Variants in NR2C2 observed in about 807,000 individuals in gnomAD.
NR2C2 encodes the protein Nuclear hormone receptor TR4.
A neutral mutation model predicts 62.9 loss-of-function variants in NR2C2; 6 were observed. The ratio of observed to expected loss-of-function variants is 0.10; its 90% CI spans 0.05 to 0.19. The LOEUF is 0.19. Among genes scored for constraint, NR2C2 ranks in the 10% least tolerant of loss-of-function variants. The pLI is 1.00. For synonymous variants in NR2C2, 272 were observed against 273.8 expected (o/e 0.99, Z 0.07); for missense variants, 479 against 762.7 (o/e 0.63, Z 4.38).
intron 1 of NR2C2, among the ~76,000 whole-genome samples, chr3:14,960,172 G>T (rs545984689): frequency 9.2e-5 from 14 of 152,154 alleles, no homozygotes; most frequent in Non-Finnish European, 1.6e-4. Flanking sequence ...AACTGTAAAA[G>T]AAAATAGGGA....
intron 1 of NR2C2, among the ~76,000 whole-genome samples, chr3:14,956,739 C>T (rs1463771411): frequency 6.6e-6 from 1 of 152,182 alleles, no homozygotes; most frequent in Non-Finnish European, 1.5e-5. Flanking sequence ...TAGGGTTTCT[C>T]CATGTTGGTC....
At chr3:14,999,808 T>C in intron 1 of NR2C2, among the ~76,000 whole-genome samples, 1 of 152,198 alleles carries the variant, frequency 6.6e-6, no homozygotes, top group East Asian at 1.9e-4. Flanking sequence ...AATTTGAACA[T>C]ATAGGTGAGG....
At position 14,965,030 on chromosome 3, in the gene NR2C2, A is replaced by G. The variant is rs556842368; in HGVS notation, c.-40+17124A>G. Among the ~76,000 whole-genome samples the G allele has an allele frequency of 3.9e-5, 6 of 152,198 alleles. No individual in the cohort carries two copies. In the East Asian group the frequency reaches 1.2e-3, roughly 29 times the overall value. ...ATTTAGACACACCAAGTCACCTCGCATGCACATCGTTGGCATGTGGTGGGG... is the reference window on the plus strand; with the variant it reads ...ATTTAGACACACCAAGTCACCTCGCGTGCACATCGTTGGCATGTGGTGGGG... On this transcript the variant is annotated intron_variant, in intron 1 of 13. Coordinates refer to ENST00000425241, the MANE Select transcript of NR2C2 (RefSeq NM_001291694.2).
chr3:15,035,690 G>A (rs537313795), intron 11 of NR2C2, among the ~76,000 whole-genome samples: 2 of 152,168 alleles, frequency 1.3e-5, no homozygotes, highest in Non-Finnish European at 2.9e-5. Context: ...GGTCAGGACA[G>A]TCCAGCTTGG....
intron 8 of NR2C2, among the ~76,000 whole-genome samples, 178 bp downstream of exon 8, chr3:15,028,897 C>T (rs1351942369): frequency 1.3e-5 from 2 of 152,094 alleles, no homozygotes; most frequent in Admixed American, 1.3e-4. Context: ...ATAGACCCAC[C>T]TATGTTATAC....
At position 15,028,693 on chromosome 3, in the gene NR2C2, G is replaced by C. The variant is rs981139541; in HGVS notation, c.906G>C (p.Glu302Asp). 2 of 1,614,086 alleles carry C rather than the reference G, an allele frequency of 1.2e-6. No homozygotes were observed. The highest frequency in any genetic ancestry group is 1.7e-6 in the Non-Finnish European group (2 of 1,179,970). Residue 302 changes from glutamate (E) to aspartate (D), a missense_variant, in exon 8 of 14, where the codon GAG becomes GAC. Coordinates refer to ENST00000425241, the MANE Select transcript of NR2C2 (RefSeq NM_001291694.2). ...NNGDTSEIQP[E>D]DQSASEITRA... ...GTGACACTTCAGAAATCCAGCCAGA[G>C]GACCAGTCTGCAAGTGAGATAACTC...
intron 1 of NR2C2, among the ~76,000 whole-genome samples, chr3:15,002,619 GT>G (rs2041043388): frequency 1.1e-5 from 1 of 87,472 alleles, no homozygotes; most frequent in Admixed American, 1.1e-4. Flanking sequence ...TTTAGGAAGA[GT>G]TTTTTGTGAA....
At chr3:15,002,065 GTTT>G (rs1223322503) in intron 1 of NR2C2, among the ~76,000 whole-genome samples, 1 of 152,142 alleles carries the variant, frequency 6.6e-6, no homozygotes, top group Non-Finnish European at 1.5e-5. Flanking sequence ...TATTCTGAAT[GTTT>G]TTATTCTTTT....
At chr3:15,038,550 C>T (rs1411603887) in intron 12 of NR2C2, 2 of 167,690 alleles carry the variant, frequency 1.2e-5, no homozygotes, top group African/African-American at 4.8e-5. Flanking sequence ...TATAGCACTG[C>T]AGAGCATGCT....
At chr3:15,001,483 G>A (rs1372955601) in intron 1 of NR2C2, among the ~76,000 whole-genome samples, 5 of 151,710 alleles carry the variant, frequency 3.3e-5, no homozygotes, top group African/African-American at 4.8e-5. Context: ...TACAGGCCCC[G>A]CCATCATACC....
In NR2C2 at chr3:15,028,609, G is replaced by T; in HGVS notation, c.822G>T (p.Leu274=). 6.2e-7 allele frequency: 1 copy of T among 1,613,770 alleles called. No homozygotes were observed. The highest frequency in any genetic ancestry group is 8.5e-7 in the Non-Finnish European group (1 of 1,179,754). Residue 274 remains leucine (L), a synonymous_variant, in exon 8 of 14, where the codon CTG becomes CTT. Coordinates refer to ENST00000425241, the MANE Select transcript of NR2C2 (RefSeq NM_001291694.2). The part of the protein sequence containing the change: ...DSKAETSQGA[L]GTLANVVTSL... Reference sequence around the variant, plus strand: ...AGGCTGAAACAAGCCAGGGAGCTCTGGGCACACTGGCAAATGTAGTGACCT... The same window carrying T: ...AGGCTGAAACAAGCCAGGGAGCTCTTGGCACACTGGCAAATGTAGTGACCT...
At chr3:15,013,326 T>C (rs1446877796) in intron 2 of NR2C2, among the ~76,000 whole-genome samples, 1 of 152,230 alleles carries the variant, frequency 6.6e-6, no homozygotes, top group Non-Finnish European at 1.5e-5. Flanking sequence ...ATTGCCTTCA[T>C]TTCATAAAAG....
chr3:15,031,768 ACCCATACTG>A (rs1353264932), intron 9 of NR2C2, among the ~76,000 whole-genome samples: 54 of 147,760 alleles, frequency 3.7e-4, no homozygotes, highest in Non-Finnish European at 6.6e-4. Flanking sequence ...TCTCACTGTC[ACCCATACTG>A]GAGTGCAGTG....
At chr3:15,031,079 G>C (rs529490850) in intron 9 of NR2C2, among the ~76,000 whole-genome samples, 24 of 152,252 alleles carry the variant, frequency 1.6e-4, no homozygotes, top group African/African-American at 5.1e-4. Flanking sequence ...CTGCCTCTCT[G>C]TGACTGCCTG....
chr3:14,985,534 T>C (rs1311789044), intron 1 of NR2C2, among the ~76,000 whole-genome samples: 1 of 152,144 alleles, frequency 6.6e-6, no homozygotes, highest in Non-Finnish European at 1.5e-5. Flanking sequence ...TCTTCCAGAA[T>C]TTTTGTTAAG....
rs1245958757 is a variant in NR2C2 at position 15,006,799 on chromosome 3, G to T, written c.72+2813G>T. ...ATCTTTTTTTTTTTTTTTTTTAAAG[G>T]CATTTCGCTCTTGTCGCCCAGGCTG... On this transcript the variant is annotated intron_variant, in intron 2 of 13. Coordinates refer to ENST00000425241, the MANE Select transcript of NR2C2 (RefSeq NM_001291694.2). Among the ~76,000 whole-genome samples, 4 of 149,008 alleles carry T rather than the reference G, an allele frequency of 2.7e-5. No homozygotes were observed. In the East Asian group the frequency reaches 7.7e-4, roughly 29 times the overall value.
At chr3:15,038,198 C>A in intron 12 of NR2C2, 61 bp downstream of exon 12, 1 of 1,500,768 alleles carries the variant, frequency 6.7e-7, no homozygotes, top group Non-Finnish European at 9.0e-7. Flanking sequence ...TGTTTCTGAA[C>A]GTGAACATGT....
In NR2C2 at chr3:15,049,058, AAAATAGCATGTTCTTTTT is replaced by A. The variant is rs1559324215; in HGVS notation, c.*6054_*6071del. ...ACTTTGTTTATGTGATGGCATTTAA[AAAATAGCATGTTCTTTTT>A]AAACTGAATTTTATATCTAATCAAT... On this transcript the variant is annotated 3_prime_UTR_variant, in exon 14 of 14. Transcript: ENST00000425241. The A allele has an allele frequency of 6.6e-6, 1 of 152,666 alleles. No homozygotes were observed. Among genetic ancestry groups the A allele is most frequent in the African/African-American group, 2.4e-5 (1 of 41,454 alleles). 9.5% of individuals were successfully genotyped at this position (152,666 alleles called of 1,614,324 possible).
intron 1 of NR2C2, among the ~76,000 whole-genome samples, chr3:14,972,233 G>A (rs2040066197): frequency 7.0e-6 from 1 of 143,552 alleles, no homozygotes; most frequent in Non-Finnish European, 1.5e-5. Context: ...GGAGTGCAGT[G>A]GCATCATTTC....
Sources: gnomAD v4.1 joint callset for allele counts (sites outside exome capture counted in the v4.1 genomes callset) on GRCh38, gnomAD v4.1.1 for gene constraint, MANE v1.5 for transcripts, NCBI Gene and HGNC (gene_info 2026-07-23, HGNC 2026-07-21) for gene names.